HIVEP1: variants seen among roughly 807,000 people sequenced by gnomAD.
HIVEP1 encodes the protein HIVEP zinc finger 1.
In HIVEP1, 36 loss-of-function variants were observed where a neutral mutation model predicts 180.0. That is an observed-to-expected ratio of 0.20 (90% CI 0.15 to 0.26). The LOEUF (loss-of-function observed/expected upper bound fraction) is 0.26. Among genes scored for constraint, HIVEP1 ranks in the 10% least tolerant of loss-of-function variants. The pLI is 1.00. For missense variants in HIVEP1, 3,143 were observed against 3,268.7 expected (o/e 0.96, Z 0.94); for synonymous variants, 1,239 against 1,239.0 (o/e 1.00, Z 0.00).
At chr6:12,093,535 G>GTT (rs1371449836) in intron 3 of HIVEP1, among the ~76,000 whole-genome samples, 2 of 150,880 alleles carry the variant, frequency 1.3e-5, no homozygotes, top group African/African-American at 2.4e-5. Context: ...TCTGGAGTTT[G>GTT]TTTTTTTAAA....
At chr6:12,028,491 A>G (rs1768729386) in intron 2 of HIVEP1, among the ~76,000 whole-genome samples, 1 of 152,218 alleles carries the variant, frequency 6.6e-6, no homozygotes, top group Non-Finnish European at 1.5e-5. Context: ...CTGTATGTTG[A>G]CAGTTTAGGT....
At chr6:12,171,348 A>C in the HIVEP1 span, among the ~76,000 whole-genome samples, 1 of 152,146 alleles carries the variant, frequency 6.6e-6, no homozygotes, top group East Asian at 1.9e-4. Flanking sequence ...CACTACGCCC[A>C]GCCAGAAATC....
chr6:12,014,528 C>A lies in HIVEP1; in HGVS notation c.-103-998C>A, dbSNP rs7748578. Among the ~76,000 whole-genome samples the A allele has an allele frequency of 1.5e-3, 229 of 152,266 alleles. 1 individual carries two copies. Among genetic ancestry groups the A allele is most frequent in the African/African-American group, 5.1e-3 (210 of 41,546 alleles). On this transcript the variant is annotated intron_variant, in intron 1 of 8. Coordinates refer to ENST00000379388, the MANE Select transcript of HIVEP1 (RefSeq NM_002114.4). ...ACCACTAATAACAAAAGCTTTAAGC[C>A]TTCCTTACTGTTCTATTCTTGTGTC... is the stretch of plus-strand genomic sequence containing the variant.
intron 7 of HIVEP1, among the ~76,000 whole-genome samples, chr6:12,159,154 G>A (rs1177169851): frequency 4.6e-5 from 7 of 152,066 alleles, no homozygotes; most frequent in Non-Finnish European, 4.4e-5. Context: ...TTATTGATGG[G>A]TTTGGAAAAA....
At chr6:12,170,100 G>A in the HIVEP1 span, among the ~76,000 whole-genome samples, 1 of 151,558 alleles carries the variant, frequency 6.6e-6, no homozygotes, top group Non-Finnish European at 1.5e-5. Flanking sequence ...CAGCCTGGGC[G>A]ACAGAGTGAG....
Position 12,125,750 on chromosome 6 carries a change from A to G in HIVEP1, c.5955A>G (p.Ala1985=), listed in dbSNP as rs369543643. 1.2e-6 allele frequency: 2 copies of G among 1,614,146 alleles called. No individual in the cohort carries two copies. The highest frequency in any genetic ancestry group is 1.7e-5 in the Admixed American group (1 of 60,026). The part of the protein sequence containing the change: ...PNPLGLPTKV[A]LALLNSKQNT... ...CACTCGGTTTGCCCACAAAAGTTGC[A>G]CTTGCTCTCCTTAATTCAAAACAGA... Residue 1985 remains alanine (A), a synonymous_variant, in exon 4 of 9, where the codon GCA becomes GCG. Coordinates refer to ENST00000379388, the MANE Select transcript of HIVEP1 (RefSeq NM_002114.4).
rs779423545 is a variant in HIVEP1, at chr6:12,163,724, G to A, written c.7420G>A (p.Val2474Met). 1.3e-5 allele frequency: 21 copies of A among 1,613,906 alleles called. No individual in the cohort carries two copies. In the Middle Eastern group the frequency reaches 4.9e-4, roughly 38 times the overall value. ...VPCIPIGQIR[V>M]PGLQNLSTPG... ...ATGTATTCCTATCGGCCAAATCCGC[G>A]TGCCAGGCCTTCAGAACCTAAGTAC... is the stretch of plus-strand genomic sequence containing the variant. Residue 2474 changes from valine to methionine, a missense_variant, in exon 9 of 9, where the codon GTG (valine) becomes ATG (methionine). Val to Met is a conservative substitution (Grantham distance 21). Transcript: ENST00000379388.
At chr6:12,111,723 T>G (rs1277671352) in intron 3 of HIVEP1, among the ~76,000 whole-genome samples, 1 of 152,230 alleles carries the variant, frequency 6.6e-6, no homozygotes, top group African/African-American at 2.4e-5. Context: ...ACTTCAGCCC[T>G]AAGAGATTCT....
chr6:12,115,350 CTTTTTTTTTTTT>C (rs34074662), intron 3 of HIVEP1, among the ~76,000 whole-genome samples: 11 of 75,292 alleles, frequency 1.5e-4, no homozygotes, highest in African/African-American at 4.9e-4. Context: ...CCCAACTATT[CTTTTTTTTTTTT>C]TTTTTTTTTT....
At chr6:12,040,129 T>G (rs1210592711) in intron 2 of HIVEP1, among the ~76,000 whole-genome samples, 1 of 152,222 alleles carries the variant, frequency 6.6e-6, no homozygotes, top group Non-Finnish European at 1.5e-5. Flanking sequence ...TGGGCGTGCA[T>G]GCATATGCCT....
intron 3 of HIVEP1, among the ~76,000 whole-genome samples, chr6:12,112,636 G>A (rs116468867): frequency 0.01 from 1,590 of 152,152 alleles, 28 homozygotes; most frequent in African/African-American, 0.036. Flanking sequence ...CCCCTGCTCA[G>A]CTTGCAGCCT....
At chr6:12,196,502 TG>T in the HIVEP1 span, among the ~76,000 whole-genome samples, 2 of 152,248 alleles carry the variant, frequency 1.3e-5, no homozygotes, top group East Asian at 3.8e-4. Flanking sequence ...CCACTGATCC[TG>T]TTGCCTCTAT....
intron 1 of HIVEP1, among the ~76,000 whole-genome samples, chr6:12,015,262 G>A (rs2049515980): frequency 6.6e-6 from 1 of 152,104 alleles, no homozygotes; most frequent in Non-Finnish European, 1.5e-5. Flanking sequence ...CTTGTTCCTG[G>A]TATTGTTGTT....
rs754846678 is a variant in HIVEP1 at position 12,123,714 on chromosome 6, A to C, written c.3919A>C (p.Ser1307Arg). 2 of 1,614,034 alleles carry C rather than the reference A, an allele frequency of 1.2e-6. No individual in the cohort carries two copies. Among genetic ancestry groups the C allele is most frequent in the Non-Finnish European group, 8.5e-7 (1 of 1,179,898 alleles). ...SFDSTLSRSL[S>R]RESSLSHTSS... ...TGATTCCACTCTCTCCAGGAGTCTA[A>C]GTAGGGAGAGCAGTTTATCTCACAC... The change falls in exon 4 of 9, where the codon AGT (serine) becomes CGT (arginine). Residue 1307 changes from serine (S) to arginine (R), a missense_variant. Transcript: ENST00000379388.
chr6:12,201,715 A>G, the HIVEP1 span, among the ~76,000 whole-genome samples: 1 of 152,156 alleles, frequency 6.6e-6, no homozygotes, highest in Admixed American at 6.5e-5. Context: ...ATTTATTTTC[A>G]TCGTATTTTG....
At chr6:12,115,804 G>A (rs1037327547) in intron 3 of HIVEP1, among the ~76,000 whole-genome samples, 1 of 151,910 alleles carries the variant, frequency 6.6e-6, no homozygotes, top group African/African-American at 2.4e-5. Context: ...CTGGAATCAG[G>A]GTGGTGAATA....
the HIVEP1 span, among the ~76,000 whole-genome samples, chr6:12,198,976 G>A: frequency 1.3e-5 from 2 of 152,310 alleles, no homozygotes; most frequent in South Asian, 4.1e-4. Flanking sequence ...ACAGTGGAGA[G>A]GTGTTGGTGG....
At chr6:12,024,109 A>T (rs2113613905) in intron 2 of HIVEP1, among the ~76,000 whole-genome samples, 1 of 152,312 alleles carries the variant, frequency 6.6e-6, no homozygotes, top group South Asian at 2.1e-4. Flanking sequence ...TATACTGTTA[A>T]CCATTGTTCA....
intron 7 of HIVEP1, among the ~76,000 whole-genome samples, chr6:12,137,877 A>G (rs1758791933): frequency 6.6e-6 from 1 of 152,228 alleles, no homozygotes; most frequent in South Asian, 2.1e-4. Context: ...ACATACAAAA[A>G]AGTACAAAGT....
Sources: gnomAD v4.1 joint callset for allele counts (sites outside exome capture counted in the v4.1 genomes callset) on GRCh38, gnomAD v4.1.1 for gene constraint, MANE v1.5 for transcripts, NCBI Gene and HGNC (gene_info 2026-07-23, HGNC 2026-07-21) for gene names.